Variants in NOP53 observed in about 807,000 individuals in gnomAD.
NOP53 encodes NOP53 ribosome biogenesis factor.
In NOP53, 40 loss-of-function variants were observed where a neutral mutation model predicts 61.0. That is an observed-to-expected ratio of 0.66 (90% CI 0.51 to 0.85). NOP53 has a LOEUF of 0.85. NOP53 is among the 40% of genes least tolerant of loss of function. The probability of loss-of-function intolerance (pLI) is 0.00; values close to 1 mark genes in which losing one functional copy is unlikely to be tolerated. For missense variants in NOP53, 689 were observed against 652.9 expected (o/e 1.06, Z -0.60); for synonymous variants, 308 against 289.5 (o/e 1.06, Z -0.65).
At position 47,752,882 on chromosome 19, in the gene NOP53, G is replaced by T. The variant is rs376299597; in HGVS notation, c.765+275G>T. The T allele has an allele frequency of 1.4e-5, 6 of 443,096 alleles. No individual in the cohort carries two copies. The East Asian group carries it at 1.9e-4, about 14-fold the overall frequency. 27.4% of individuals were successfully genotyped at this position (443,096 alleles called of 1,614,324 possible). A position where few individuals can be genotyped will look rare whatever the true frequency, so the allele number is the denominator to read the frequency against. On this transcript the variant is annotated intron_variant, in intron 6 of 12. Coordinates refer to ENST00000246802, the MANE Select transcript of NOP53 (RefSeq NM_015710.5). ...GCCTGAGCCGAGGCAGAGGCTGAGG[G>T]AGGGGTTTGCAGTGGGAGGAGGGGA...
Position 47,756,546 on chromosome 19 carries a change from C to T in NOP53, c.1315C>T (p.Arg439Ter), listed in dbSNP as rs929206959. The change falls in exon 11 of 13, where the codon CGA becomes TGA. Residue 439 changes from arginine to a stop codon, truncating the protein, a stop_gained. Coordinates refer to ENST00000246802, the MANE Select transcript of NOP53 (RefSeq NM_015710.5). LOFTEE classifies it high-confidence loss of function. ...CCTGTAGCCCGAGGGCAACATCCTT[C>T]GAGACCGGTTCAAGAGCTTCCAGAG... ...RTLKPEGNIL[R>*]DRFKSFQRRN... is the part of the protein sequence containing the mutation. 9.3e-6 allele frequency: 15 copies of T among 1,613,886 alleles called. No individual in the cohort carries two copies. Among genetic ancestry groups the T allele is most frequent in the Non-Finnish European group, 1.3e-5 (15 of 1,179,976 alleles).
intron 1 of NOP53, chr19:47,746,282 C>G (rs1967064060): frequency 6.5e-6 from 1 of 153,044 alleles, no homozygotes; most frequent in African/African-American, 2.4e-5. Context: ...CTCCCAGGCT[C>G]AAGCGATTCT....
At chr19:47,755,696 G>A in intron 9 of NOP53, 60 bp from the exon 10 acceptor site, 1 of 1,485,612 alleles carries the variant, frequency 6.7e-7, no homozygotes, top group South Asian at 1.2e-5. Flanking sequence ...AGGGGGCTTT[G>A]GACTGGGTGT....
chr19:47,751,757 C>G (rs1005226922), intron 5 of NOP53, among the ~76,000 whole-genome samples, 167 bp downstream of exon 5: 4 of 152,160 alleles, frequency 2.6e-5, no homozygotes, highest in African/African-American at 9.7e-5. Flanking sequence ...CCAGTGCTGA[C>G]TGATCCTGGG....
chr19:47,756,818 C>G, intron 12 of NOP53, 74 bp downstream of exon 12: 1 of 1,552,874 alleles, frequency 6.4e-7, no homozygotes, highest in African/African-American at 1.4e-5. Flanking sequence ...GTCCCAGGGC[C>G]CCTTCCAGAG....
rs773384283 is a variant in NOP53, at chr19:47,756,627, GT to G, written c.1373+24del. On this transcript the variant is annotated intron_variant, in intron 11 of 12. Transcript: ENST00000246802. ...CAAGTAAGGGGCGGCCGGGGCTGCT[GT>G]GGGGCGAGGGCATCTGGGATTGGCC... 95 of 1,613,578 alleles carry G rather than the reference GT, an allele frequency of 5.9e-5. 1 individual carries two copies. The Middle Eastern group carries it at 1.3e-3, about 22-fold the overall frequency.
At position 47,756,920 on chromosome 19, in the gene NOP53, G is replaced by A. The variant is rs2334294; in HGVS notation, c.1431-79G>A. 4.1e-3 allele frequency: 6,548 copies of A among 1,591,388 alleles called. 235 individuals carry two copies. In the African/African-American group the frequency reaches 0.078, roughly 19 times the overall value. The stretch of plus-strand genomic sequence containing the variant: ...TTGGGAGGGTCCCCAAAGGGAAACT[G>A]AAAGGCAGGGGGTGTCAGGTCGGCA... On this transcript the variant is annotated intron_variant, in intron 12 of 12. Coordinates refer to ENST00000246802, the MANE Select transcript of NOP53 (RefSeq NM_015710.5).
At position 47,756,752 on chromosome 19, in the gene NOP53, C is replaced by T. The variant is rs750458896; in HGVS notation, c.1430+8C>T. 8 of 1,612,950 alleles carry T rather than the reference C, an allele frequency of 5.0e-6. No homozygotes were observed. Among genetic ancestry groups the T allele is most frequent in the Non-Finnish European group, 6.8e-6 (8 of 1,179,822 alleles). ...GGCGTTCCGTGAGATCCAGTGAGTCCACCCGGCTTCGGCGCAAGGAAGGGA... is the reference window on the plus strand; with the variant it reads ...GGCGTTCCGTGAGATCCAGTGAGTCTACCCGGCTTCGGCGCAAGGAAGGGA... On this transcript the variant is annotated splice_region_variant and intron_variant, in intron 12 of 12. Coordinates refer to ENST00000246802, the MANE Select transcript of NOP53 (RefSeq NM_015710.5).
chr19:47,752,728 C>T (rs1034845211), intron 6 of NOP53, 121 bp downstream of exon 6: 20 of 664,314 alleles, frequency 3.0e-5, no homozygotes, highest in South Asian at 2.5e-4. Flanking sequence ...CTGTCCGCAA[C>T]GGGGCTCACG....
rs534027053 is a variant in NOP53 at position 47,745,596 on chromosome 19, A to C, written c.37A>C (p.Ser13Arg). Residue 13 changes from serine (S) to arginine (R), a missense_variant, in exon 1 of 13, where the codon AGC becomes CGC. Transcript: ENST00000246802. ...AGGCAGTGGCGTTGGTGGGAAGCGC[A>C]GCTCGAAAAGCGATGCCGATTCTGG... is the stretch of plus-strand genomic sequence containing the variant. ...AGGSGVGGKR[S>R]SKSDADSGFL... 6 of 1,614,036 alleles carry C rather than the reference A, an allele frequency of 3.7e-6. 1 individual carries two copies. In the South Asian group the frequency reaches 5.5e-5, roughly 15 times the overall value.
At chr19:47,746,937 T>C in intron 1 of NOP53, 30 bp from the exon 2 acceptor site, 1 of 1,588,070 alleles carries the variant, frequency 6.3e-7, no homozygotes, top group South Asian at 1.1e-5. Context: ...CCAACATCTC[T>C]GGCTGATGTT....
chr19:47,745,649 G>A lies in NOP53; in HGVS notation c.90G>A (p.Val30=), dbSNP rs1468054470. 2 of 1,613,998 alleles carry A rather than the reference G, an allele frequency of 1.2e-6. 1 individual carries two copies. Among genetic ancestry groups the A allele is most frequent in the Admixed American group, 3.3e-5 (2 of 60,006 alleles). The change falls in exon 1 of 13, where the codon GTG becomes GTA. Residue 30 remains valine (V), a synonymous_variant. Transcript: ENST00000246802. ...SGFLGLRPTS[V]DPALRRRRRG... is the part of the protein sequence containing the mutation. ...TCCTGGGGCTGCGGCCCACTTCGGTGGACCCAGCGCTGAGGCGGCGGCGGC... is the reference window on the plus strand; with the variant it reads ...TCCTGGGGCTGCGGCCCACTTCGGTAGACCCAGCGCTGAGGCGGCGGCGGC...
chr19:47,749,456 G>A (rs1967099567), intron 2 of NOP53, among the ~76,000 whole-genome samples: 1 of 152,162 alleles, frequency 6.6e-6, no homozygotes, highest in Non-Finnish European at 1.5e-5. Context: ...TAACGGCCTA[G>A]TGAGGGAGGT....
At chr19:47,752,413 A>G (rs927554622) in intron 5 of NOP53, 99 bp from the exon 6 acceptor site, 7 of 746,436 alleles carry the variant, frequency 9.4e-6, no homozygotes, top group African/African-American at 8.5e-5. Flanking sequence ...CCCACACCCA[A>G]CCACTGGCAA....
At position 47,754,221 on chromosome 19, in the gene NOP53, G is replaced by A. The variant is rs369564887; in HGVS notation, c.766-306G>A. On this transcript the variant is annotated intron_variant, in intron 6 of 12. Transcript: ENST00000246802. This position sits in a 1 kb window ranked among gnomAD's most constrained non-coding sequence, Gnocchi z 4.2. The stretch of plus-strand genomic sequence containing the variant: ...GAACCCAGGAGGCGGGGGTTGTGGT[G>A]AGCTGAGATCACACCATTGCACTCC... The A allele has an allele frequency of 1.8e-4, 60 of 327,880 alleles. No individual in the cohort carries two copies. The highest frequency in any genetic ancestry group is 1.1e-3 in the African/African-American group (53 of 47,216). 20.3% of individuals were successfully genotyped at this position (327,880 alleles called of 1,614,324 possible).
intron 2 of NOP53, 76 bp downstream of exon 2, chr19:47,747,107 G>A: frequency 8.6e-7 from 1 of 1,165,962 alleles, no homozygotes; most frequent in Non-Finnish European, 1.3e-6. Flanking sequence ...TGAGATCTGT[G>A]TTAATGATGT....
chr19:47,750,122 G>A lies in NOP53; in HGVS notation c.290-56G>A, dbSNP rs147975432. On this transcript the variant is annotated intron_variant, in intron 2 of 12. Coordinates refer to ENST00000246802, the MANE Select transcript of NOP53 (RefSeq NM_015710.5). ...TCCCATGGAGGTGAATAGGGTGGGT[G>A]GTCTTTGGCAGTGGGTAGGGCTGAG... The A allele has an allele frequency of 1.1e-3, 1,198 of 1,076,236 alleles. 12 individuals carry two copies. The African/African-American group carries it at 0.016, about 15-fold the overall frequency. The allele number at this position is 1,076,236 out of a possible 1,614,324, so 66.7% of individuals were successfully genotyped here. A position where few individuals can be genotyped will look rare whatever the true frequency, so the allele number is the denominator to read the frequency against.
intron 8 of NOP53, 82 bp from the exon 9 acceptor site, chr19:47,755,266 A>G (rs1006529082): frequency 1.7e-5 from 16 of 965,560 alleles, no homozygotes; most frequent in Non-Finnish European, 2.0e-5. Flanking sequence ...AGGTTTGTGC[A>G]GGGAAGGCTC....
chr19:47,750,767 AAGAGGGGGCGGAGTGCCACCTTTTGG>A, intron 3 of NOP53, 115 bp from the exon 4 acceptor site: 2 of 704,516 alleles, frequency 2.8e-6, no homozygotes, highest in Non-Finnish European at 5.0e-6. Context: ...GAGTTCTCTG[AAGAGGGGGCGGAGTGCCACCTTTTGG>A]AGAGGGGGTG....
Sources: gnomAD v4.1 joint callset for allele counts (sites outside exome capture counted in the v4.1 genomes callset) on GRCh38, gnomAD v4.1.1 for gene constraint, Gnocchi (gnomAD v3.1) non-coding constraint, MANE v1.5 for transcripts, NCBI Gene and HGNC (gene_info 2026-07-23, HGNC 2026-07-21) for gene names.